Variants in BACH2 observed in about 807,000 individuals in gnomAD.
BACH2 encodes the protein transcription regulator protein BACH2.
A neutral mutation model predicts 61.8 loss-of-function variants in BACH2; 5 were observed. The observed-to-expected ratio is 0.08, with a 90% CI of 0.04 to 0.17. BACH2 has a LOEUF of 0.17. Among genes scored for constraint, BACH2 ranks in the 10% least tolerant of loss-of-function variants. The probability of loss-of-function intolerance (pLI) is 1.00; values close to 1 mark genes in which losing one functional copy is unlikely to be tolerated. For synonymous variants in BACH2, 446 were observed against 440.1 expected (o/e 1.01, Z -0.17); for missense variants, 824 against 1,091.1 (o/e 0.76, Z 3.45).
intron 4 of BACH2, among the ~76,000 whole-genome samples, chr6:90,115,031 C>G (rs193164275): frequency 1.3e-5 from 2 of 152,176 alleles, no homozygotes; most frequent in East Asian, 3.9e-4. Context: ...AAGACACAAA[C>G]AAATGGAAAA....
chr6:90,216,368 G>A (rs1182501341), intron 3 of BACH2, among the ~76,000 whole-genome samples: 4 of 152,178 alleles, frequency 2.6e-5, no homozygotes, highest in Admixed American at 6.5e-5. Context: ...CTCTTTCTGG[G>A]GCTGGATATA....
chr6:90,118,298 G>T (rs973105763), intron 4 of BACH2, among the ~76,000 whole-genome samples: 3 of 152,152 alleles, frequency 2.0e-5, no homozygotes, highest in African/African-American at 7.2e-5. Context: ...AGCTTTTTCT[G>T]CTCTGTGGAT....
chr6:90,221,112 A>T (rs905837021), intron 3 of BACH2, among the ~76,000 whole-genome samples: 1 of 152,260 alleles, frequency 6.6e-6, no homozygotes, highest in African/African-American at 2.4e-5. Flanking sequence ...ATTTAGGAAT[A>T]GAACAGTAGC....
chr6:90,177,295 TTATTTTTTCTTTG>T (rs1029773168), intron 4 of BACH2, among the ~76,000 whole-genome samples: 1 of 152,316 alleles, frequency 6.6e-6, no homozygotes, highest in Admixed American at 6.5e-5. Flanking sequence ...GGATGGTATC[TTATTTTTTCTTTG>T]TATTTCCAGT....
At chr6:90,243,190 G>A (rs946192807) in intron 3 of BACH2, among the ~76,000 whole-genome samples, 2 of 151,568 alleles carry the variant, frequency 1.3e-5, no homozygotes, top group African/African-American at 2.4e-5. Context: ...CAATGTGCCC[G>A]GCCCAAATTA....
chr6:90,041,546 C>T (rs1004272255), intron 5 of BACH2, among the ~76,000 whole-genome samples: 1 of 152,004 alleles, frequency 6.6e-6, no homozygotes, highest in Admixed American at 6.6e-5. Flanking sequence ...TGGTGCTAGG[C>T]TCTGTTTGCT....
rs369969099 is a variant in BACH2, at chr6:90,294,812, G to C, written c.-446+1668C>G. Among the ~76,000 whole-genome samples the C allele has an allele frequency of 9.2e-5, 14 of 152,102 alleles. No homozygotes were observed. In the East Asian group the frequency reaches 9.7e-4, roughly 11 times the overall value. ...CGCTCAGCTTCTTTCATGTCAGCCC[G>C]AGCCTTTGCAGCAAGACGTGCCTTT... On this transcript the variant is annotated intron_variant, in intron 1 of 8. Coordinates refer to ENST00000257749, the MANE Select transcript of BACH2 (RefSeq NM_021813.4).
At chr6:90,049,850 T>G (rs1205774193) in intron 5 of BACH2, among the ~76,000 whole-genome samples, 2 of 152,222 alleles carry the variant, frequency 1.3e-5, no homozygotes, top group Non-Finnish European at 2.9e-5. Context: ...GAAAAGCATT[T>G]GTGGGATTCA....
At chr6:90,265,940 T>C (rs186388735) in intron 2 of BACH2, among the ~76,000 whole-genome samples, 2 of 152,280 alleles carry the variant, frequency 1.3e-5, no homozygotes, top group Non-Finnish European at 2.9e-5. Flanking sequence ...TACAACCCTA[T>C]GATGTAAGTA....
intron 5 of BACH2, among the ~76,000 whole-genome samples, chr6:90,023,417 T>G (rs543193406): frequency 6.6e-6 from 1 of 152,144 alleles, no homozygotes; most frequent in East Asian, 1.9e-4. Context: ...CTCCTCCTGC[T>G]CTGGCCACAT....
At chr6:90,186,746 A>G (rs1288905756) in intron 4 of BACH2, among the ~76,000 whole-genome samples, 2 of 152,152 alleles carry the variant, frequency 1.3e-5, no homozygotes, top group Non-Finnish European at 2.9e-5. Flanking sequence ...TAAGTGCTTC[A>G]CTTGCATGAT....
At chr6:90,142,167 C>T (rs1381382025) in intron 4 of BACH2, among the ~76,000 whole-genome samples, 2 of 152,186 alleles carry the variant, frequency 1.3e-5, no homozygotes, top group Non-Finnish European at 1.5e-5. Flanking sequence ...TCATCTAACA[C>T]CTCTCATTGT....
At chr6:90,144,256 T>G (rs1444603888) in intron 4 of BACH2, among the ~76,000 whole-genome samples, 1 of 152,234 alleles carries the variant, frequency 6.6e-6, no homozygotes, top group Admixed American at 6.5e-5. Context: ...AAAGTCTATT[T>G]ATTTAGCTCT....
At chr6:90,088,236 T>C (rs1216439557) in intron 5 of BACH2, among the ~76,000 whole-genome samples, 1 of 152,164 alleles carries the variant, frequency 6.6e-6, no homozygotes, top group Admixed American at 6.5e-5. Flanking sequence ...AAGGGAACAA[T>C]GTATTTCCCA....
At chr6:90,229,415 A>G (rs941310879) in intron 3 of BACH2, among the ~76,000 whole-genome samples, 1 of 151,886 alleles carries the variant, frequency 6.6e-6, no homozygotes, top group African/African-American at 2.4e-5. Flanking sequence ...AGCAGAGATC[A>G]TGCCACTGCA....
At chr6:89,967,697 A>C (rs1775119213) in intron 6 of BACH2, among the ~76,000 whole-genome samples, 1 of 152,170 alleles carries the variant, frequency 6.6e-6, no homozygotes, top group Admixed American at 6.5e-5. Context: ...GGGCTTAAGA[A>C]TCTCTAGGTA....
chr6:90,155,381 C>T (rs1187620316), intron 4 of BACH2, among the ~76,000 whole-genome samples: 6 of 152,136 alleles, frequency 3.9e-5, no homozygotes. Context: ...CATTCGAAGA[C>T]TATATAATAA....
At chr6:90,061,197 TC>T (rs2127798571) in intron 5 of BACH2, among the ~76,000 whole-genome samples, 1 of 152,240 alleles carries the variant, frequency 6.6e-6, no homozygotes, top group Non-Finnish European at 1.5e-5. Flanking sequence ...ATGTAGTAGT[TC>T]AGGTGAGAAA....
intron 4 of BACH2, among the ~76,000 whole-genome samples, chr6:90,107,496 T>C (rs987372040): frequency 3.9e-5 from 6 of 152,158 alleles, no homozygotes; most frequent in African/African-American, 1.4e-4. Flanking sequence ...GAAGAGTACA[T>C]AGAACTATCT....
Sources: gnomAD v4.1 joint callset for allele counts (sites outside exome capture counted in the v4.1 genomes callset) on GRCh38, gnomAD v4.1.1 for gene constraint, MANE v1.5 for transcripts, NCBI Gene and HGNC (gene_info 2026-07-23, HGNC 2026-07-21) for gene names.